FAM81B: variants seen among roughly 807,000 people sequenced by gnomAD.
The protein encoded by FAM81B is family with sequence similarity 81 member B.
In FAM81B, 60 loss-of-function variants were observed where a neutral mutation model predicts 58.7. The observed-to-expected ratio is 1.02, with a 90% confidence interval of 0.83 to 1.27. The LOEUF is 1.27. Ranked by LOEUF, FAM81B falls within the 50% of genes most tolerant of loss-of-function variation. The probability of loss-of-function intolerance (pLI) is 0.00; values close to 1 mark genes in which losing one functional copy is unlikely to be tolerated. For synonymous variants in FAM81B, 189 were observed against 179.6 expected, an observed-to-expected ratio of 1.05 and a Z score of -0.42; for missense variants, 491 against 522.0, an observed-to-expected ratio of 0.94 and a Z score of 0.58.
intron 1 of FAM81B, 94 bp from the exon 2 acceptor site, chr5:95,392,700 T>A: frequency 1.0e-6 from 1 of 971,858 alleles, no homozygotes; most frequent in Non-Finnish European, 1.6e-6. Flanking sequence ...AAGCTATATG[T>A]ACAGAAACTG....
At chr5:95,421,668 T>C (rs1199050706) in intron 5 of FAM81B, among the ~76,000 whole-genome samples, 1 of 98,092 alleles carries the variant, frequency 1.0e-5, no homozygotes, top group Non-Finnish European at 2.4e-5. Flanking sequence ...TGCAGTGAAT[T>C]GGTAGAATAC....
At position 95,392,884 on chromosome 5, in the gene FAM81B, A is replaced by G. The variant is rs988984170; in HGVS notation, c.215A>G (p.Asn72Ser). The G allele has an allele frequency of 1.9e-6, 3 of 1,606,608 alleles. No homozygotes were observed. The African/African-American group carries it at 4.0e-5, about 22-fold the overall frequency. The change falls in exon 2 of 10, where the codon AAC (asparagine) becomes AGC (serine). Residue 72 changes from asparagine (N) to serine (S), a missense_variant. Coordinates refer to ENST00000283357, the MANE Select transcript of FAM81B (RefSeq NM_152548.3). ...PDGPLPGSDN[N>S]QEKKVRLSPA... is the part of the protein sequence containing the mutation. ...GGCCCCCTTCCTGGCTCAGACAATA[A>G]CCAAGAAAAGAAAGCAAGTACTTTT... is the stretch of plus-strand genomic sequence containing the variant.
Position 95,440,808 on chromosome 5 carries a change from T to C in FAM81B, c.893+3902T>C, listed in dbSNP as rs147070608. 4.6e-3 allele frequency: 1,156 copies of C among 251,538 alleles called. 8 individuals are homozygous for C. Among genetic ancestry groups the C allele is most frequent in the Middle Eastern group, 0.03 (19 of 628 alleles). The allele number at this position is 251,538 out of a possible 1,614,324, so 15.6% of individuals were successfully genotyped here. A position where few individuals can be genotyped will look rare whatever the true frequency, so the allele number is the denominator to read the frequency against. ...GGGAGGAATCCCAGAAAAGTGACTATGTTCTAGTGCTTTTTTCTTTAATAA... is the reference window on the plus strand; with the variant it reads ...GGGAGGAATCCCAGAAAAGTGACTACGTTCTAGTGCTTTTTTCTTTAATAA... On this transcript the variant is annotated intron_variant, in intron 7 of 9. Transcript: ENST00000283357.
intron 5 of FAM81B, chr5:95,423,935 G>A: frequency 9.2e-7 from 1 of 1,086,766 alleles, no homozygotes. Flanking sequence ...AGAGGCTCGG[G>A]TGGGTCATCG....
At chr5:95,405,348 A>G (rs1238952416) in intron 3 of FAM81B, among the ~76,000 whole-genome samples, 1 of 152,074 alleles carries the variant, frequency 6.6e-6, no homozygotes, top group African/African-American at 2.4e-5. Context: ...TGTCTGGTAA[A>G]TTTCCTCAGT....
At chr5:95,393,124 C>A (rs1374322893) in intron 2 of FAM81B, among the ~76,000 whole-genome samples, 3 of 152,090 alleles carry the variant, frequency 2.0e-5, no homozygotes, top group African/African-American at 7.2e-5. Flanking sequence ...GGCTAAAATT[C>A]TTTTAAGTTG....
At chr5:95,418,697 C>T (rs554677630) in intron 4 of FAM81B, among the ~76,000 whole-genome samples, 12 of 152,264 alleles carry the variant, frequency 7.9e-5, no homozygotes, top group Middle Eastern at 3.4e-3. Context: ...GGTCTTAGAA[C>T]GTATCCCCCT....
At chr5:95,427,370 G>A (rs962044851) in intron 5 of FAM81B, among the ~76,000 whole-genome samples, 3 of 152,102 alleles carry the variant, frequency 2.0e-5, no homozygotes, top group African/African-American at 2.4e-5. Context: ...GGAATTTTGT[G>A]CGTACCATCC....
intron 3 of FAM81B, among the ~76,000 whole-genome samples, chr5:95,399,232 T>C (rs1044330195): frequency 1.3e-5 from 2 of 152,200 alleles, no homozygotes; most frequent in Admixed American, 6.5e-5. Flanking sequence ...ATGAGTAGAA[T>C]ATGGAATTCA....
At chr5:95,406,855 T>C (rs1396783661) in intron 3 of FAM81B, among the ~76,000 whole-genome samples, 1 of 152,162 alleles carries the variant, frequency 6.6e-6, no homozygotes, top group Non-Finnish European at 1.5e-5. Flanking sequence ...TTCCTTTCTT[T>C]CTGCACTTTG....
chr5:95,440,206 T>C (rs1745277486), intron 7 of FAM81B: 2 of 641,492 alleles, frequency 3.1e-6, no homozygotes, highest in South Asian at 1.4e-5. Context: ...CAAGAAGCTA[T>C]TGACTGGCTT....
chr5:95,397,551 C>T lies in FAM81B; in HGVS notation c.293+1376C>T, dbSNP rs139203395. Among the ~76,000 whole-genome samples the T allele has an allele frequency of 8.0e-4, 122 of 152,252 alleles. 2 individuals carry two copies. The East Asian group carries it at 0.019, about 24-fold the overall frequency. On this transcript the variant is annotated intron_variant, in intron 3 of 9. Coordinates refer to ENST00000283357, the MANE Select transcript of FAM81B (RefSeq NM_152548.3). ...TTCTTTAGCTCAAGCTGGTGATGTA[C>T]ATCCCAGGAGATGAGAAAATAAATT... is the stretch of plus-strand genomic sequence containing the variant.
chr5:95,413,240 T>A (rs7708941), intron 3 of FAM81B, among the ~76,000 whole-genome samples: 41,287 of 152,076 alleles, frequency 0.27, 5,844 homozygotes, highest in Non-Finnish European at 0.3. Flanking sequence ...CTTTCTCACG[T>A]TGTGCACTCA....
intron 1 of FAM81B, among the ~76,000 whole-genome samples, chr5:95,392,568 T>C (rs1230476491): frequency 2.6e-5 from 4 of 152,164 alleles, no homozygotes; most frequent in Non-Finnish European, 5.9e-5. Flanking sequence ...AAAGGTCTTA[T>C]AGAAGTATCT....
chr5:95,437,078 A>G (rs1161012713), intron 7 of FAM81B, among the ~76,000 whole-genome samples, 172 bp downstream of exon 7: 1 of 152,136 alleles, frequency 6.6e-6, no homozygotes, highest in Non-Finnish European at 1.5e-5. Flanking sequence ...TATAATATTT[A>G]TAATAAAAGA....
At chr5:95,444,441 C>T (rs910235246) in intron 7 of FAM81B, among the ~76,000 whole-genome samples, 1 of 152,148 alleles carries the variant, frequency 6.6e-6, no homozygotes, top group African/African-American at 2.4e-5. Context: ...AAATGTAAAT[C>T]TGAATGAGAT....
chr5:95,417,537 G>C (rs1177119133), intron 4 of FAM81B, among the ~76,000 whole-genome samples: 1 of 152,012 alleles, frequency 6.6e-6, no homozygotes, highest in Non-Finnish European at 1.5e-5. Flanking sequence ...TTCTTCTAAT[G>C]ATTTATGTCT....
intron 7 of FAM81B, among the ~76,000 whole-genome samples, chr5:95,441,851 T>C (rs963800212): frequency 2.0e-5 from 3 of 152,202 alleles, no homozygotes; most frequent in Middle Eastern, 3.2e-3. Flanking sequence ...GTCCTAAGCC[T>C]ACTTAGTTCT....
intron 6 of FAM81B, among the ~76,000 whole-genome samples, chr5:95,428,976 C>T (rs1288622067): frequency 6.6e-6 from 1 of 152,176 alleles, no homozygotes; most frequent in Non-Finnish European, 1.5e-5. Flanking sequence ...TTGAGTCCAC[C>T]ATTGCTGTTA....
Sources: allele counts gnomAD v4.1 joint callset (sites outside exome capture counted in the v4.1 genomes callset), GRCh38; gene constraint gnomAD v4.1.1; transcripts MANE v1.5; gene names NCBI Gene and HGNC (gene_info 2026-07-23, HGNC 2026-07-21).